PCCB: variants seen among roughly 807,000 people sequenced by gnomAD.
PCCB encodes propionyl-CoA carboxylase subunit beta.
PCCB carries 43 observed loss-of-function variants against 60.7 expected under a neutral mutation model. That is an observed-to-expected ratio of 0.71 (90% confidence interval 0.55 to 0.91). The LOEUF (loss-of-function observed/expected upper bound fraction) is 0.91. Ranked by LOEUF, PCCB falls within the 40% of genes least tolerant of loss-of-function variation. The probability of loss-of-function intolerance (pLI) is 0.00; values close to 1 mark genes in which losing one functional copy is unlikely to be tolerated. For synonymous variants in PCCB, 276 were observed against 255.9 expected (o/e 1.08, Z -0.75); for missense variants, 766 against 702.8 (o/e 1.09, Z -1.02).
intron 5 of PCCB, among the ~76,000 whole-genome samples, chr3:136,264,894 AAG>A (rs1491550148): frequency 6.7e-6 from 1 of 148,916 alleles, no homozygotes; most frequent in Non-Finnish European, 1.5e-5. Flanking sequence ...AAAAAAAAAA[AAG>A]AGCTTAATGC....
intron 5 of PCCB, among the ~76,000 whole-genome samples, chr3:136,276,050 C>T (rs567834807): frequency 5.6e-4 from 85 of 152,282 alleles, no homozygotes; most frequent in African/African-American, 1.8e-3. Flanking sequence ...GGATTACAGG[C>T]GTGAGCCACT....
intron 6 of PCCB, among the ~76,000 whole-genome samples, chr3:136,293,264 A>G (rs1432751226): frequency 6.6e-6 from 1 of 152,188 alleles, no homozygotes; most frequent in Non-Finnish European, 1.5e-5. Flanking sequence ...TGGCTTTCCA[A>G]AGTGTTGGGA....
chr3:136,300,420 C>T (rs549899571), intron 8 of PCCB, among the ~76,000 whole-genome samples: 2 of 152,278 alleles, frequency 1.3e-5, no homozygotes, highest in East Asian at 3.9e-4. Context: ...GTTGCTGGGT[C>T]CTCCTGTAGA....
At chr3:136,297,579 C>T (rs1046570016) in intron 7 of PCCB, among the ~76,000 whole-genome samples, 9 of 151,942 alleles carry the variant, frequency 5.9e-5, no homozygotes, top group South Asian at 2.1e-4. Flanking sequence ...GAGAGATGTC[C>T]GGCAGTAAAC....
chr3:136,314,659 AAAAC>A (rs1934807972), intron 9 of PCCB, among the ~76,000 whole-genome samples: 1 of 151,590 alleles, frequency 6.6e-6, no homozygotes, highest in Non-Finnish European at 1.5e-5. Flanking sequence ...TGTCTCAAGA[AAAAC>A]AAAAACAAAA....
intron 2 of PCCB, 199 bp from the exon 3 acceptor site, chr3:136,256,356 C>A: frequency 3.2e-6 from 2 of 622,878 alleles, no homozygotes; most frequent in South Asian, 1.9e-5. Context: ...GTGCCATTCA[C>A]TCCTATTGAT....
intron 5 of PCCB, among the ~76,000 whole-genome samples, chr3:136,268,783 C>CA (rs1269617086): frequency 1.3e-5 from 2 of 152,028 alleles, no homozygotes. Context: ...CTTAACTCTA[C>CA]AAAAATGCCT....
In PCCB at chr3:136,310,397, C is replaced by T. The variant is rs572301851; in HGVS notation, c.967-6544C>T. On this transcript the variant is annotated intron_variant, in intron 9 of 14. Transcript: ENST00000251654. ...AAAAAGCCAGGCATGGTGGTATGCA[C>T]CTGTAGTCCCAGCTACTGGGGAGGC... 1.3e-4 allele frequency among the ~76,000 whole-genome samples: 20 copies of T among 151,518 alleles called. No individual in the cohort carries two copies. The East Asian group carries it at 3.7e-3, about 28-fold the overall frequency.
rs1942542038 is a variant in PCCB at position 136,283,819 on chromosome 3, G to C, written c.544-18G>C. The C allele has an allele frequency of 6.6e-7, 1 of 1,511,726 alleles. No individual in the cohort carries two copies. The highest frequency in any genetic ancestry group is 9.2e-7 in the Non-Finnish European group (1 of 1,086,860). 93.6% of individuals were successfully genotyped at this position (1,511,726 alleles called of 1,614,324 possible). On this transcript the variant is annotated intron_variant, in intron 5 of 14. Transcript: ENST00000251654. ...AACATCTCTGTAACCAGATGCTTTT[G>C]CTTTTCTGTTTTGGCAGAGGAATGT...
At chr3:136,270,631 G>T (rs912820191) in intron 5 of PCCB, among the ~76,000 whole-genome samples, 1 of 151,954 alleles carries the variant, frequency 6.6e-6, no homozygotes, top group South Asian at 2.1e-4. Context: ...TCAGCCTCCC[G>T]AGTAGCTGGG....
intron 3 of PCCB, chr3:136,260,243 T>G: frequency 1.8e-6 from 1 of 570,236 alleles, no homozygotes; most frequent in Admixed American, 2.8e-5. Flanking sequence ...GCAGCTAACT[T>G]TTTTCTATAT....
chr3:136,253,141 G>C (rs933986269), intron 1 of PCCB, among the ~76,000 whole-genome samples: 76 of 145,960 alleles, frequency 5.2e-4, no homozygotes, highest in Non-Finnish European at 1.5e-4. Flanking sequence ...CCAGGCTGGA[G>C]TGCAGTGGCG....
chr3:136,328,398 T>A (rs1935412790), intron 13 of PCCB, among the ~76,000 whole-genome samples: 1 of 152,356 alleles, frequency 6.6e-6, no homozygotes, highest in African/African-American at 2.4e-5. Context: ...TTAATTCCCC[T>A]TGATACAAGA....
intron 8 of PCCB, among the ~76,000 whole-genome samples, chr3:136,299,751 CAT>C (rs954008613): frequency 3.4e-5 from 3 of 87,214 alleles, no homozygotes; most frequent in East Asian, 6.5e-4. Context: ...TATAGGTATG[CAT>C]GTGTGTGTAT....
chr3:136,285,137 G>A (rs923516212), intron 6 of PCCB, among the ~76,000 whole-genome samples: 1 of 151,290 alleles, frequency 6.6e-6, no homozygotes, highest in African/African-American at 2.4e-5. Context: ...CTTACTTGGT[G>A]GACAATGCAG....
At chr3:136,251,568 T>A (rs1046877401) in intron 1 of PCCB, among the ~76,000 whole-genome samples, 1 of 152,182 alleles carries the variant, frequency 6.6e-6, no homozygotes, top group African/African-American at 2.4e-5. Flanking sequence ...CAGTTCCTTT[T>A]GACACTTGAG....
intron 10 of PCCB, among the ~76,000 whole-genome samples, chr3:136,322,081 T>C (rs902988014): frequency 6.6e-6 from 1 of 152,246 alleles, no homozygotes; most frequent in Non-Finnish European, 1.5e-5. Context: ...TACAAGTAAG[T>C]GTGATGTTAG....
At chr3:136,327,875 G>A (rs1935386035) in intron 13 of PCCB, 143 bp downstream of exon 13, 3 of 721,880 alleles carry the variant, frequency 4.2e-6, no homozygotes, top group Non-Finnish European at 7.5e-6. Context: ...CTAGACCTTG[G>A]TAAGTCTCCC....
intron 5 of PCCB, among the ~76,000 whole-genome samples, chr3:136,283,278 G>A (rs1224975405): frequency 6.6e-6 from 1 of 152,116 alleles, no homozygotes; most frequent in Non-Finnish European, 1.5e-5. Context: ...GTGTCCTTAT[G>A]GAGGCTTTCT....
Sources: gnomAD v4.1 joint callset for allele counts (sites outside exome capture counted in the v4.1 genomes callset) on GRCh38, gnomAD v4.1.1 for gene constraint, MANE v1.5 for transcripts, NCBI Gene and HGNC (gene_info 2026-07-23, HGNC 2026-07-21) for gene names.